The following PITPNC1 variants were observed in gnomAD, a reference collection of about 807,000 sequenced individuals.
PITPNC1 encodes the protein phosphatidylinositol transfer protein cytoplasmic 1.
PITPNC1 carries 18 observed loss-of-function variants against 44.7 expected under a neutral mutation model. That is an observed-to-expected ratio of 0.40 (90% CI 0.28 to 0.60). PITPNC1 has a LOEUF of 0.60. Among genes scored for constraint, PITPNC1 ranks in the 20% least tolerant of loss-of-function variants. PITPNC1 has a pLI of 0.39. For synonymous variants in PITPNC1, 141 were observed against 149.6 expected (o/e 0.94, Z 0.42); for missense variants, 290 against 418.4 (o/e 0.69, Z 2.68).
At chr17:67,537,738 C>T (rs1042420570) in intron 2 of PITPNC1, among the ~76,000 whole-genome samples, 2 of 151,816 alleles carry the variant, frequency 1.3e-5, no homozygotes, top group African/African-American at 4.8e-5. Flanking sequence ...TTTGGGAGGT[C>T]GAGGTGGGCG....
intron 1 of PITPNC1, among the ~76,000 whole-genome samples, chr17:67,505,879 T>A (rs1173517457): frequency 6.6e-6 from 1 of 152,190 alleles, no homozygotes; most frequent in Non-Finnish European, 1.5e-5. Flanking sequence ...TTGGAGTAAC[T>A]CTCTTTTCCC....
In PITPNC1 at chr17:67,695,633, A is replaced by ATATAT; in HGVS notation, c.*2745_*2746insTATAT. 7.3e-6 allele frequency: 1 copy of ATATAT among 136,168 alleles called. No homozygotes were observed. The highest frequency in any genetic ancestry group is 2.4e-4 in the South Asian group (1 of 4,214). 8.4% of individuals were successfully genotyped at this position (136,168 alleles called of 1,614,324 possible). A position where few individuals can be genotyped will look rare whatever the true frequency, so the allele number is the denominator to read the frequency against. ...ATATATATATATATATATATATATA[A>ATATAT]ATATAAATATAGTATAGTGAATCAG... On this transcript the variant is annotated 3_prime_UTR_variant, in exon 9 of 9. Transcript: ENST00000581322.
rs1159678179 is a variant in PITPNC1 at position 67,419,924 on chromosome 17, AAAAG to A, written c.48+41724_48+41727del. 7.2e-5 allele frequency among the ~76,000 whole-genome samples: 11 copies of A among 152,160 alleles called. No individual in the cohort carries two copies. The South Asian group carries it at 2.3e-3, about 32-fold the overall frequency. ...AGAGCAAGACCCTGTCTCAAAAAAA[AAAAG>A]AGAGAGAGAGAGAAAACCAGAACCC... On this transcript the variant is annotated intron_variant, in intron 1 of 8. Transcript: ENST00000581322.
At position 67,412,914 on chromosome 17, in the gene PITPNC1, T is replaced by A. The variant is rs562595524; in HGVS notation, c.48+34712T>A. Among the ~76,000 whole-genome samples, 24 of 152,330 alleles carry A rather than the reference T, an allele frequency of 1.6e-4. No individual in the cohort carries two copies. In the South Asian group the frequency reaches 4.4e-3, roughly 28 times the overall value. Reference sequence around the variant, plus strand: ...CTTCCTTTTTCCTTATCTTTCCCATTTGCAAGTTACTTTCTAGTTCTTATC... The same window carrying A: ...CTTCCTTTTTCCTTATCTTTCCCATATGCAAGTTACTTTCTAGTTCTTATC... On this transcript the variant is annotated intron_variant, in intron 1 of 8. Coordinates refer to ENST00000581322, the MANE Select transcript of PITPNC1 (RefSeq NM_012417.4).
At chr17:67,430,277 G>C (rs1174175022) in intron 1 of PITPNC1, among the ~76,000 whole-genome samples, 1 of 151,744 alleles carries the variant, frequency 6.6e-6, no homozygotes, top group Non-Finnish European at 1.5e-5. Flanking sequence ...AGGCTGAGGT[G>C]GGAGGGTCAC....
At chr17:67,416,495 C>T (rs1032165561) in intron 1 of PITPNC1, among the ~76,000 whole-genome samples, 2 of 151,690 alleles carry the variant, frequency 1.3e-5, no homozygotes, top group African/African-American at 2.4e-5. Context: ...GGATTATAAG[C>T]GTGAGCCACC....
At position 67,632,205 on chromosome 17, in the gene PITPNC1, T is replaced by C. The variant is rs1052699071; in HGVS notation, c.429T>C (p.Asp143=). ...TTTGCTTTATTGATATTGCCTGCGATGAAATTCCAGAGCGCTACTACAAAG... is the reference window on the plus strand; with the variant it reads ...TTTGCTTTATTGATATTGCCTGCGACGAAATTCCAGAGCGCTACTACAAAG... ...REVCFIDIAC[D]EIPERYYKES... The change falls in exon 6 of 9, where the codon GAT becomes GAC. Residue 143 remains aspartate (D), a synonymous_variant. Transcript: ENST00000581322. 1.9e-6 allele frequency: 3 copies of C among 1,612,388 alleles called. No homozygotes were observed. The highest frequency in any genetic ancestry group is 2.2e-5 in the East Asian group (1 of 44,868).
intron 6 of PITPNC1, among the ~76,000 whole-genome samples, chr17:67,635,401 G>A (rs2042021172): frequency 6.6e-6 from 1 of 152,150 alleles, no homozygotes; most frequent in South Asian, 2.1e-4. Context: ...TTGGGCAACT[G>A]ATAGATGGGG....
intron 5 of PITPNC1, among the ~76,000 whole-genome samples, chr17:67,599,034 A>ATATATATTTTTTT (rs1461493250): frequency 8.4e-5 from 3 of 35,674 alleles, no homozygotes; most frequent in South Asian, 1.3e-3. Flanking sequence ...ATATATATAT[A>ATATATATTTTTTT]TTTTTTTTTT....
At chr17:67,672,229 C>T (rs1038909313) in intron 7 of PITPNC1, among the ~76,000 whole-genome samples, 3 of 152,046 alleles carry the variant, frequency 2.0e-5, no homozygotes, top group African/African-American at 7.2e-5. Context: ...CCACCATGCC[C>T]GGCTTCATAG....
chr17:67,658,452 T>C (rs910433484), intron 6 of PITPNC1, among the ~76,000 whole-genome samples: 5 of 152,184 alleles, frequency 3.3e-5, no homozygotes, highest in African/African-American at 1.2e-4. Context: ...AGCCCCAGGC[T>C]CAGCCATATT....
chr17:67,504,800 G>A (rs999840580), intron 1 of PITPNC1, among the ~76,000 whole-genome samples: 13 of 151,898 alleles, frequency 8.6e-5, no homozygotes, highest in Admixed American at 3.9e-4. Flanking sequence ...TGCTTTTTTT[G>A]TTCCGCTGTC....
chr17:67,436,137 T>A (rs1567988913), intron 1 of PITPNC1, among the ~76,000 whole-genome samples: 1 of 150,392 alleles, frequency 6.6e-6, no homozygotes, highest in Non-Finnish European at 1.5e-5. Context: ...GGACTACAGA[T>A]GTGTGCCACC....
chr17:67,377,627 A>T lies in PITPNC1; in HGVS notation c.-528A>T, dbSNP rs1328708584. ...AGAAGCCGATCGAGCCTTTGTCTGG[A>T]AAGTCAGCATCTCCGGCTCCGGCTG... On this transcript the variant is annotated 5_prime_UTR_variant, in exon 1 of 9. Transcript: ENST00000581322. 6.6e-6 allele frequency: 1 copy of T among 152,592 alleles called. No individual in the cohort carries two copies. The highest frequency in any genetic ancestry group is 1.9e-4 in the East Asian group (1 of 5,178). 9.5% of individuals were successfully genotyped at this position (152,592 alleles called of 1,614,324 possible).
At chr17:67,573,283 A>G (rs1358767499) in intron 4 of PITPNC1, among the ~76,000 whole-genome samples, 1 of 152,102 alleles carries the variant, frequency 6.6e-6, no homozygotes, top group Non-Finnish European at 1.5e-5. Context: ...AAATCATGAA[A>G]AGTCAGAAGC....
intron 1 of PITPNC1, among the ~76,000 whole-genome samples, chr17:67,430,654 AAAC>A (rs978686294): frequency 3.1e-4 from 47 of 151,510 alleles, no homozygotes; most frequent in African/African-American, 1.0e-3. Flanking sequence ...CTCTGTCTCT[AAAC>A]AACAACAACA....
intron 5 of PITPNC1, among the ~76,000 whole-genome samples, chr17:67,583,315 G>A (rs1568051630): frequency 1.3e-5 from 2 of 151,986 alleles, no homozygotes; most frequent in African/African-American, 2.4e-5. Context: ...GGGCCAGGCG[G>A]GGTGGCTCAC....
chr17:67,409,988 T>C (rs2038469041), intron 1 of PITPNC1, among the ~76,000 whole-genome samples: 1 of 152,224 alleles, frequency 6.6e-6, no homozygotes, highest in Non-Finnish European at 1.5e-5. Flanking sequence ...TGAACGTGCG[T>C]GCGTGAGTTT....
intron 1 of PITPNC1, among the ~76,000 whole-genome samples, chr17:67,406,406 A>G (rs896565482): frequency 2.6e-5 from 4 of 152,034 alleles, no homozygotes; most frequent in African/African-American, 7.3e-5. Context: ...CTACTAATCT[A>G]TACTTTCTGT....
Sources: gnomAD v4.1 joint callset for allele counts (sites outside exome capture counted in the v4.1 genomes callset) on GRCh38, gnomAD v4.1.1 for gene constraint, MANE v1.5 for transcripts, NCBI Gene and HGNC (gene_info 2026-07-23, HGNC 2026-07-21) for gene names.